The following CLDN1 variants were observed in gnomAD, a reference collection of about 807,000 sequenced individuals.
CLDN1 encodes claudin 1.
A neutral mutation model predicts 22.6 loss-of-function variants in CLDN1; 12 were observed. That is an observed-to-expected ratio of 0.53 (90% CI 0.34 to 0.86). The LOEUF (loss-of-function observed/expected upper bound fraction) is 0.86. Ranked by LOEUF, CLDN1 falls within the 40% of genes least tolerant of loss-of-function variation. The pLI is 0.02. For synonymous variants in CLDN1, 99 were observed against 103.8 expected, an observed-to-expected ratio of 0.95 and a Z score of 0.28; for missense variants, 250 against 269.5, an observed-to-expected ratio of 0.93 and a Z score of 0.51.
chr3:190,317,804 T>A (rs2108612696), intron 1 of CLDN1, among the ~76,000 whole-genome samples: 1 of 152,326 alleles, frequency 6.6e-6, no homozygotes, highest in Middle Eastern at 3.4e-3. Context: ...GATACTGTAT[T>A]CTTGATCGGT....
intron 3 of CLDN1, among the ~76,000 whole-genome samples, chr3:190,309,114 G>T (rs1357028314): frequency 3.9e-5 from 6 of 152,140 alleles, no homozygotes; most frequent in Non-Finnish European, 8.8e-5. Flanking sequence ...CTGCAATTCT[G>T]GGATAGCAAC....
intron 1 of CLDN1, among the ~76,000 whole-genome samples, chr3:190,314,536 A>G (rs942802648): frequency 2.0e-5 from 3 of 150,700 alleles, no homozygotes; most frequent in Non-Finnish European, 2.9e-5. Context: ...CTGGGACTGC[A>G]GGCACGAACC....
At position 190,322,016 on chromosome 3, in the gene CLDN1, C is replaced by T; in HGVS notation, c.191G>A (p.Cys64Tyr). The change falls in exon 1 of 4, where the codon TGC becomes TAC. Residue 64 changes from cysteine (C) to tyrosine (Y), a missense_variant. Coordinates refer to ENST00000295522, the MANE Select transcript of CLDN1 (RefSeq NM_021101.5). ...ATTCAGCAAGGAGTCAAAGACTTTG[C>T]ACTGGATCTGCCCGGTGCTCTGCGA... ...CVSQSTGQIQ[C>Y]KVFDSLLNLS... 1 of 1,614,206 alleles carries T rather than the reference C, an allele frequency of 6.2e-7. No individual in the cohort carries two copies. The highest frequency in any genetic ancestry group is 8.5e-7 in the Non-Finnish European group (1 of 1,180,034).
intron 1 of CLDN1, among the ~76,000 whole-genome samples, chr3:190,320,533 A>G (rs1162511195): frequency 1.3e-5 from 2 of 152,256 alleles, no homozygotes; most frequent in Admixed American, 6.5e-5. Context: ...AAGTCCTGAT[A>G]TGAGAACCTT....
In CLDN1 at chr3:190,308,163, A is replaced by G. The variant is rs963935269; in HGVS notation, c.*114T>C. ...TTTTTTGTTTGTTTGTTTGTTTTGT[A>G]ATACCATACTTCAGATTACAATACC... On this transcript the variant is annotated 3_prime_UTR_variant, in exon 4 of 4. Coordinates refer to ENST00000295522, the MANE Select transcript of CLDN1 (RefSeq NM_021101.5). 1 of 1,234,394 alleles carries G rather than the reference A, an allele frequency of 8.1e-7. No homozygotes were observed. Among genetic ancestry groups the G allele is most frequent in the Non-Finnish European group, 1.2e-6 (1 of 839,700 alleles). 76.5% of individuals were successfully genotyped at this position (1,234,394 alleles called of 1,614,324 possible).
intron 1 of CLDN1, among the ~76,000 whole-genome samples, chr3:190,318,538 T>C (rs1316020388): frequency 6.6e-6 from 1 of 152,176 alleles, no homozygotes; most frequent in Non-Finnish European, 1.5e-5. Flanking sequence ...TGCCCTATTT[T>C]ATAAGTGGGG....
intron 3 of CLDN1, among the ~76,000 whole-genome samples, chr3:190,309,558 T>G (rs1716555773): frequency 1.3e-5 from 2 of 152,178 alleles, no homozygotes; most frequent in African/African-American, 4.8e-5. Context: ...CGTCTCTGAT[T>G]AAAGAATGTT....
intron 1 of CLDN1, among the ~76,000 whole-genome samples, chr3:190,315,905 T>C (rs917481810): frequency 1.3e-5 from 2 of 152,184 alleles, no homozygotes; most frequent in Admixed American, 6.5e-5. Flanking sequence ...AAGGAACACA[T>C]GTGCATAAAC....
rs1488536344 is a variant in CLDN1 at position 190,322,011 on chromosome 3, CTT to C, written c.194_195del (p.Lys65SerfsTer3). ...VSQSTGQIQC[K>X]VFDSLLNLSS... ...CTCAGATTCAGCAAGGAGTCAAAGA[CTT>C]TGCACTGGATCTGCCCGGTGCTCTG... On this transcript the variant is annotated frameshift_variant, in exon 1 of 4. Transcript: ENST00000295522. LOFTEE classifies it high-confidence loss of function. 1 of 1,614,216 alleles carries C rather than the reference CTT, an allele frequency of 6.2e-7. No individual in the cohort carries two copies. Among genetic ancestry groups the C allele is most frequent in the Admixed American group, 1.7e-5 (1 of 60,030 alleles).
In CLDN1 at chr3:190,307,751, AG is replaced by A. The variant is rs1294154809; in HGVS notation, c.*525del. On this transcript the variant is annotated 3_prime_UTR_variant, in exon 4 of 4. Transcript: ENST00000295522. Reference sequence around the variant, plus strand: ...TGAAAGAATTCATCCTTGGTAAATTAGGCTAGGTCTTGTGGCAAAGGCACCC... The same window carrying A: ...TGAAAGAATTCATCCTTGGTAAATTAGCTAGGTCTTGTGGCAAAGGCACCC... 1 of 153,016 alleles carries A rather than the reference AG, an allele frequency of 6.5e-6. No homozygotes were observed. Among genetic ancestry groups the A allele is most frequent in the Non-Finnish European group, 1.5e-5 (1 of 68,640 alleles). 9.5% of individuals were successfully genotyped at this position (153,016 alleles called of 1,614,324 possible). A position where few individuals can be genotyped will look rare whatever the true frequency, so the allele number is the denominator to read the frequency against.
rs535211743 is a variant in CLDN1 at position 190,305,814 on chromosome 3, A to T, written c.*2463T>A. On this transcript the variant is annotated 3_prime_UTR_variant, in exon 4 of 4. Coordinates refer to ENST00000295522, the MANE Select transcript of CLDN1 (RefSeq NM_021101.5). The stretch of plus-strand genomic sequence containing the variant: ...GGTCTGTTTCCAGGTGTGGTAGAAG[A>T]ATATAAAAAGATCAAAATTGGATAA... 4.9e-4 allele frequency: 75 copies of T among 152,352 alleles called. No individual in the cohort carries two copies. The highest frequency in any genetic ancestry group is 1.7e-3 in the African/African-American group (71 of 41,582). 9.4% of individuals were successfully genotyped at this position (152,352 alleles called of 1,614,324 possible). A position where few individuals can be genotyped will look rare whatever the true frequency, so the allele number is the denominator to read the frequency against.
intron 2 of CLDN1, among the ~76,000 whole-genome samples, chr3:190,311,434 C>T (rs1311975325): frequency 1.3e-5 from 2 of 152,046 alleles, no homozygotes; most frequent in Non-Finnish European, 2.9e-5. Context: ...TTAAACTAAC[C>T]ACATCTTTAG....
chr3:190,314,106 G>T (rs1309731904), intron 1 of CLDN1, among the ~76,000 whole-genome samples: 1 of 152,108 alleles, frequency 6.6e-6, no homozygotes, highest in Non-Finnish European at 1.5e-5. Flanking sequence ...ACTTAGTATT[G>T]TTTGGAATAA....
At chr3:190,319,710 C>T (rs936727216) in intron 1 of CLDN1, among the ~76,000 whole-genome samples, 1 of 152,186 alleles carries the variant, frequency 6.6e-6, no homozygotes, top group Non-Finnish European at 1.5e-5. Flanking sequence ...TAATGAAATG[C>T]AGCTTTTTTC....
intron 2 of CLDN1, among the ~76,000 whole-genome samples, chr3:190,312,329 C>T (rs563400505): frequency 6.6e-6 from 1 of 151,966 alleles, no homozygotes; most frequent in African/African-American, 2.4e-5. Flanking sequence ...CTGCTTTAAA[C>T]TGACCATTCC....
intron 2 of CLDN1, among the ~76,000 whole-genome samples, chr3:190,311,176 G>A (rs892727729): frequency 6.6e-5 from 10 of 152,180 alleles, no homozygotes; most frequent in Admixed American, 2.0e-4. Flanking sequence ...CCTAAGAGAA[G>A]TCCCTGAAAC....
intron 1 of CLDN1, among the ~76,000 whole-genome samples, chr3:190,318,254 TTG>T (rs1716821928): frequency 6.6e-6 from 1 of 152,180 alleles, no homozygotes; most frequent in African/African-American, 2.4e-5. Flanking sequence ...CCTTTCTTGT[TTG>T]TGTGTTTCTT....
chr3:190,317,092 A>G (rs1223698528), intron 1 of CLDN1, among the ~76,000 whole-genome samples: 1 of 152,216 alleles, frequency 6.6e-6, no homozygotes, highest in Non-Finnish European at 1.5e-5. Context: ...GCTATAAAAC[A>G]ACAATTTGGA....
intron 1 of CLDN1, 23 bp downstream of exon 1, chr3:190,321,961 C>A (rs1716933749): frequency 1.2e-6 from 2 of 1,607,720 alleles, no homozygotes; most frequent in Non-Finnish European, 1.7e-6. Context: ...TGGACGGCCG[C>A]TGTGAGGTGG....
Sources: gnomAD v4.1 joint callset for allele counts (sites outside exome capture counted in the v4.1 genomes callset) on GRCh38, gnomAD v4.1.1 for gene constraint, MANE v1.5 for transcripts, NCBI Gene and HGNC (gene_info 2026-07-23, HGNC 2026-07-21) for gene names.